The following SYCP2L variants were observed in gnomAD, a reference collection of about 807,000 sequenced individuals.
SYCP2L encodes the protein synaptonemal complex protein 2 like.
SYCP2L carries 98 observed loss-of-function variants against 125.8 expected under a neutral mutation model. That is an observed-to-expected ratio of 0.78 (90% CI 0.66 to 0.92). SYCP2L has a LOEUF of 0.92. SYCP2L is among the 40% of genes least tolerant of loss of function. SYCP2L has a pLI of 0.00. For missense variants in SYCP2L, 842 were observed against 936.4 expected (o/e 0.90, Z 1.32); for synonymous variants, 317 against 325.4 (o/e 0.97, Z 0.28).
intron 2 of SYCP2L, among the ~76,000 whole-genome samples, chr6:10,893,255 C>A (rs1229801463): frequency 1.3e-5 from 2 of 152,186 alleles, no homozygotes; most frequent in East Asian, 3.8e-4. Flanking sequence ...GCCTTGGCCT[C>A]CCAAAGTGCT....
chr6:10,909,375 G>A (rs1023591909), intron 10 of SYCP2L, among the ~76,000 whole-genome samples: 1 of 152,044 alleles, frequency 6.6e-6, no homozygotes, highest in African/African-American at 2.4e-5. Context: ...TGATCTGCCC[G>A]CCTCGGCCTC....
chr6:10,952,819 G>T (rs1781434911), intron 23 of SYCP2L, among the ~76,000 whole-genome samples: 1 of 151,976 alleles, frequency 6.6e-6, no homozygotes, highest in Non-Finnish European at 1.5e-5. Context: ...AAAAATCTTT[G>T]CCCTTGAAAT....
In SYCP2L at chr6:10,896,893, T is replaced by A. The variant is rs1462555470; in HGVS notation, c.337-1118T>A. ...TACAGCCAAGGTTGAAAACTGGTTTTATCTTCAGCTGGGCTGTCTCAGGTT... is the reference window on the plus strand; with the variant it reads ...TACAGCCAAGGTTGAAAACTGGTTTAATCTTCAGCTGGGCTGTCTCAGGTT... On this transcript the variant is annotated intron_variant, in intron 4 of 29. Coordinates refer to ENST00000283141, the MANE Select transcript of SYCP2L (RefSeq NM_001040274.3). Among the ~76,000 whole-genome samples the A allele has an allele frequency of 3.9e-5, 6 of 152,226 alleles. 1 individual carries two copies.
At chr6:10,962,651 A>G (rs1781614845) in intron 28 of SYCP2L, among the ~76,000 whole-genome samples, 1 of 152,236 alleles carries the variant, frequency 6.6e-6, no homozygotes. Context: ...AATAACAACA[A>G]TAAACCTTTT....
At chr6:10,910,292 A>G in intron 11 of SYCP2L, 92 bp downstream of exon 11, 1 of 1,174,058 alleles carries the variant, frequency 8.5e-7, no homozygotes, top group East Asian at 2.5e-5. Context: ...TCATTTTAGG[A>G]GAGAATATTG....
At chr6:10,942,386 C>T in intron 21 of SYCP2L, 73 bp from the exon 22 acceptor site, 1 of 958,026 alleles carries the variant, frequency 1.0e-6, no homozygotes, top group Non-Finnish European at 1.5e-6. Context: ...GATTTAATAT[C>T]TAGAATGATA....
intron 29 of SYCP2L, among the ~76,000 whole-genome samples, chr6:10,967,507 A>G (rs1330836753): frequency 7.8e-6 from 1 of 128,264 alleles, no homozygotes; most frequent in South Asian, 2.8e-4. Context: ...ATTGAGGAGA[A>G]AAAAAGAAAA....
chr6:10,911,894 CTT>C (rs58800098), intron 12 of SYCP2L, among the ~76,000 whole-genome samples: 14 of 50,024 alleles, frequency 2.8e-4, no homozygotes, highest in East Asian at 4.4e-4. Context: ...GGAATAAAAG[CTT>C]TTTTTTTTTT....
chr6:10,918,692 A>G (rs949353253), intron 14 of SYCP2L, among the ~76,000 whole-genome samples: 1 of 151,994 alleles, frequency 6.6e-6, no homozygotes, highest in Non-Finnish European at 1.5e-5. Context: ...ACGTGCCACC[A>G]TACCCAGCTA....
chr6:10,949,194 C>T (rs907290548), intron 23 of SYCP2L, among the ~76,000 whole-genome samples: 1 of 152,020 alleles, frequency 6.6e-6, no homozygotes, highest in Non-Finnish European at 1.5e-5. Context: ...TATTCTGATG[C>T]TCTTTTTCCA....
intron 14 of SYCP2L, among the ~76,000 whole-genome samples, chr6:10,922,133 G>T (rs998639865): frequency 1.3e-5 from 2 of 152,110 alleles, no homozygotes; most frequent in Non-Finnish European, 2.9e-5. Flanking sequence ...TAAGAATGTG[G>T]GTGCTCAGTT....
At chr6:10,899,413 T>C (rs1018947502) in intron 6 of SYCP2L, among the ~76,000 whole-genome samples, 1 of 151,996 alleles carries the variant, frequency 6.6e-6, no homozygotes, top group African/African-American at 2.4e-5. Context: ...TGGGGTGTGG[T>C]GGCCTGCACC....
chr6:10,958,005 CTTAT>C (rs1781529655), intron 25 of SYCP2L, among the ~76,000 whole-genome samples: 1 of 152,090 alleles, frequency 6.6e-6, no homozygotes, highest in African/African-American at 2.4e-5. Flanking sequence ...TCCCAAATGA[CTTAT>C]TTATTAGTAC....
chr6:10,932,982 G>C (rs1781024410), intron 20 of SYCP2L, among the ~76,000 whole-genome samples: 1 of 152,120 alleles, frequency 6.6e-6, no homozygotes, highest in Admixed American at 6.6e-5. Flanking sequence ...TCGAACTCCT[G>C]ATCTCAAGTG....
intron 21 of SYCP2L, among the ~76,000 whole-genome samples, 165 bp downstream of exon 21, chr6:10,935,352 G>A (rs1042104861): frequency 6.6e-6 from 1 of 152,152 alleles, no homozygotes; most frequent in Non-Finnish European, 1.5e-5. Flanking sequence ...AGGATATGAT[G>A]TTTTAATTTT....
chr6:10,962,530 A>G (rs1388306185), intron 28 of SYCP2L, among the ~76,000 whole-genome samples: 1 of 152,100 alleles, frequency 6.6e-6, no homozygotes, highest in Non-Finnish European at 1.5e-5. Context: ...CTCTTTACAT[A>G]TTTAACATTT....
At chr6:10,944,749 C>G (rs2113384367) in intron 23 of SYCP2L, among the ~76,000 whole-genome samples, 1 of 152,198 alleles carries the variant, frequency 6.6e-6, no homozygotes, top group East Asian at 1.9e-4. Context: ...GAGTCTCACT[C>G]TGTCACCCAG....
intron 29 of SYCP2L, among the ~76,000 whole-genome samples, chr6:10,969,725 A>G (rs1326930646): frequency 6.6e-6 from 1 of 152,108 alleles, no homozygotes; most frequent in Non-Finnish European, 1.5e-5. Flanking sequence ...TATATATTAC[A>G]AACTTGATCA....
intron 14 of SYCP2L, among the ~76,000 whole-genome samples, chr6:10,915,368 G>A (rs1348379266): frequency 4.6e-5 from 7 of 152,186 alleles, no homozygotes; most frequent in African/African-American, 1.7e-4. Flanking sequence ...TTGAAGAGGA[G>A]TGGTGAGAGT....
Sources: allele counts gnomAD v4.1 joint callset (sites outside exome capture counted in the v4.1 genomes callset), GRCh38; gene constraint gnomAD v4.1.1; transcripts MANE v1.5; gene names NCBI Gene and HGNC (gene_info 2026-07-23, HGNC 2026-07-21).